REEP6: variants seen among roughly 807,000 people sequenced by gnomAD.
REEP6 encodes the protein receptor expression-enhancing protein 6.
In REEP6, 19 loss-of-function variants were observed where a neutral mutation model predicts 22.4. The observed-to-expected ratio is 0.85, with a 90% confidence interval of 0.59 to 1.25. The LOEUF is 1.25. Ranked by LOEUF, REEP6 falls within the 50% of genes most tolerant of loss-of-function variation. REEP6 has a pLI of 0.00. For missense variants in REEP6, 273 were observed against 251.9 expected, an observed-to-expected ratio of 1.08 and a Z score of -0.57; for synonymous variants, 121 against 113.6, an observed-to-expected ratio of 1.06 and a Z score of -0.41.
chr19:1,495,393 T>C lies in REEP6; in HGVS notation c.209+6T>C, dbSNP rs752541318. On this transcript the variant is annotated splice_donor_region_variant and intron_variant, in intron 2 of 4. Coordinates refer to ENST00000233596, the MANE Select transcript of REEP6 (RefSeq NM_138393.4). ...GTGTACCCCGCATATGCCTCGTGAG[T>C]GCACGGCTGGCTGCCCACGCGGGGG... 12 of 1,613,718 alleles carry C rather than the reference T, an allele frequency of 7.4e-6. No individual in the cohort carries two copies. The South Asian group carries it at 1.3e-4, about 18-fold the overall frequency.
At chr19:1,493,370 G>C (rs1255261149) in intron 1 of REEP6, among the ~76,000 whole-genome samples, 3 of 152,090 alleles carry the variant, frequency 2.0e-5, no homozygotes, top group Non-Finnish European at 4.4e-5. Context: ...CCTGGGACCA[G>C]CTGGGGGACT....
chr19:1,494,852 TC>T (rs1216895698), intron 1 of REEP6, among the ~76,000 whole-genome samples: 1 of 152,088 alleles, frequency 6.6e-6, no homozygotes, highest in African/African-American at 2.4e-5. Flanking sequence ...GCCTGGCTAA[TC>T]TTTTGTATTT....
Position 1,491,314 on chromosome 19 carries a change from G to C in REEP6, c.45G>C (p.Arg15Ser). The C allele has an allele frequency of 6.8e-7, 1 of 1,479,754 alleles. No individual in the cohort carries two copies. The highest frequency in any genetic ancestry group is 9.0e-7 in the Non-Finnish European group (1 of 1,116,404). The allele number at this position is 1,479,754 out of a possible 1,614,324, so 91.7% of individuals were successfully genotyped here. The change falls in exon 1 of 5, where the codon AGG (arginine) becomes AGC (serine). Residue 15 changes from arginine (R) to serine (S), a missense_variant. Physicochemically the swap from Arg to Ser is moderately radical, Grantham distance 110. Coordinates refer to ENST00000233596, the MANE Select transcript of REEP6 (RefSeq NM_138393.4). The surrounding 1 kb of genome is among the most constrained non-coding windows in gnomAD (Gnocchi z 5.4). ...RQRVEHFLEQ[R>S]NLVTEVLGAL... ...GCGTGGAGCACTTCCTGGAGCAAAG[G>C]AACCTGGTCACCGAAGTGCTGGGGG...
intron 1 of REEP6, among the ~76,000 whole-genome samples, chr19:1,494,525 C>CTTT (rs1348431446): frequency 7.2e-5 from 11 of 152,106 alleles, no homozygotes; most frequent in Non-Finnish European, 1.2e-4. Context: ...GCAGAGAAAC[C>CTTT]CTGCGCTAAG....
intron 1 of REEP6, among the ~76,000 whole-genome samples, chr19:1,493,530 C>G (rs919297194): frequency 8.5e-5 from 13 of 152,092 alleles, no homozygotes; most frequent in African/African-American, 3.1e-4. Context: ...GAAGGCTGTC[C>G]AAGCTCTCTG....
rs1487048958 is a variant in REEP6, at chr19:1,496,623, A to T, written c.517+170A>T. On this transcript the variant is annotated intron_variant, in intron 4 of 4. Transcript: ENST00000233596. ...GGTCCTGGCCCGTAGCCGGGCAGGC[A>T]TCACCCCGGTGGCTGTGGCCGGGCC... 2 of 901,216 alleles carry T rather than the reference A, an allele frequency of 2.2e-6. 1 individual carries two copies. The highest frequency in any genetic ancestry group is 5.2e-5 in the East Asian group (2 of 38,270). The allele number at this position is 901,216 out of a possible 1,614,324, so 55.8% of individuals were successfully genotyped here. A position where few individuals can be genotyped will look rare whatever the true frequency, so the allele number is the denominator to read the frequency against.
In REEP6 at chr19:1,496,182, G is replaced by A. The variant is rs112566345; in HGVS notation, c.349-103G>A. On this transcript the variant is annotated intron_variant, in intron 3 of 4. Transcript: ENST00000233596. ...AAGGGTGTCTGATGGTGGAGACCCA[G>A]TGCCTGTCCAGGATGGGCATCTGGT... 371 of 1,380,322 alleles carry A rather than the reference G, an allele frequency of 2.7e-4. 3 individuals are homozygous for A. In the African/African-American group the frequency reaches 4.5e-3, roughly 17 times the overall value. The allele number at this position is 1,380,322 out of a possible 1,614,324, so 85.5% of individuals were successfully genotyped here. A position where few individuals can be genotyped will look rare whatever the true frequency, so the allele number is the denominator to read the frequency against.
intron 1 of REEP6, among the ~76,000 whole-genome samples, chr19:1,492,846 G>A (rs34157870): frequency 0.025 from 3,827 of 152,334 alleles, 82 homozygotes; most frequent in Non-Finnish European, 0.04. Flanking sequence ...CCCATGTGCA[G>A]CGCAGCAGGT....
At chr19:1,493,958 C>T (rs535178003) in intron 1 of REEP6, among the ~76,000 whole-genome samples, 27 of 152,216 alleles carry the variant, frequency 1.8e-4, no homozygotes, top group Non-Finnish European at 3.7e-4. Context: ...CATGGTGGTA[C>T]GCTCAGCTAC....
At chr19:1,495,226 G>A (rs544758700) in intron 1 of REEP6, 68 bp from the exon 2 acceptor site, 15 of 1,499,998 alleles carry the variant, frequency 1.0e-5, no homozygotes, top group Admixed American at 3.3e-5. Flanking sequence ...ACTGAAAGGC[G>A]GCCTGGGTAC....
At chr19:1,495,104 G>A (rs2084994525) in intron 1 of REEP6, among the ~76,000 whole-genome samples, 190 bp from the exon 2 acceptor site, 1 of 152,196 alleles carries the variant, frequency 6.6e-6, no homozygotes, top group African/African-American at 2.4e-5. Context: ...CCAGTTACAG[G>A]CACAAGGCTC....
intron 1 of REEP6, among the ~76,000 whole-genome samples, chr19:1,492,687 A>G (rs1255296474): frequency 1.3e-5 from 2 of 152,132 alleles, no homozygotes; most frequent in Non-Finnish European, 1.5e-5. Context: ...GGTAGAGGAC[A>G]GTGCCACTTT....
At chr19:1,496,780 C>A in intron 4 of REEP6, 1 of 597,712 alleles carries the variant, frequency 1.7e-6, no homozygotes, top group East Asian at 3.0e-5. Context: ...ATTGTGTGTG[C>A]ATGTTTTGTC....
chr19:1,497,668 A>G lies in REEP6; in HGVS notation c.*457A>G, dbSNP rs1441798981. On this transcript the variant is annotated 3_prime_UTR_variant, in exon 5 of 5. Coordinates refer to ENST00000233596, the MANE Select transcript of REEP6 (RefSeq NM_138393.4). This position sits in a 1 kb window ranked among gnomAD's most constrained non-coding sequence, Gnocchi z 6.5. ...AACATCCCCACGCAGCCCCCCAGCA[A>G]GTCCTCTGGCAAGCCGGAGGACGCA... 2.1e-6 allele frequency: 1 copy of G among 478,594 alleles called. No homozygotes were observed. The highest frequency in any genetic ancestry group is 2.3e-5 in the Admixed American group (1 of 42,704). 29.6% of individuals were successfully genotyped at this position (478,594 alleles called of 1,614,324 possible).
intron 4 of REEP6, 113 bp downstream of exon 4, chr19:1,496,566 T>A: frequency 8.0e-7 from 1 of 1,255,242 alleles, no homozygotes; most frequent in Non-Finnish European, 1.1e-6. Context: ...TGTCCGCCTC[T>A]CTCTCTCACG....
intron 1 of REEP6, among the ~76,000 whole-genome samples, chr19:1,492,758 C>G (rs1430807748): frequency 6.6e-6 from 1 of 152,186 alleles, no homozygotes; most frequent in African/African-American, 2.4e-5. Flanking sequence ...TTCCCACCAT[C>G]TGGGGGTTCC....
Position 1,491,201 on chromosome 19 carries a change from G to T in REEP6, c.-69G>T. ...GGCTCAGGCTGCGGGAAAGCGGTGC[G>T]CGTGCAGCGGGGTGGGTGCCCTGGT... On this transcript the variant is annotated 5_prime_UTR_variant, in exon 1 of 5. Coordinates refer to ENST00000233596, the MANE Select transcript of REEP6 (RefSeq NM_138393.4). The surrounding 1 kb of genome is among the most constrained non-coding windows in gnomAD (Gnocchi z 5.4). 1 of 1,105,862 alleles carries T rather than the reference G, an allele frequency of 9.0e-7. No homozygotes were observed. Among genetic ancestry groups the T allele is most frequent in the Non-Finnish European group, 1.2e-6 (1 of 816,284 alleles). The allele number at this position is 1,105,862 out of a possible 1,614,324, so 68.5% of individuals were successfully genotyped here. A position where few individuals can be genotyped will look rare whatever the true frequency, so the allele number is the denominator to read the frequency against.
At chr19:1,492,891 G>C (rs1342386671) in intron 1 of REEP6, among the ~76,000 whole-genome samples, 1 of 152,184 alleles carries the variant, frequency 6.6e-6, no homozygotes, top group Non-Finnish European at 1.5e-5. Flanking sequence ...CTGCCCCCGG[G>C]AGCAGGTCCC....
chr19:1,497,370 T>C lies in REEP6; in HGVS notation c.*159T>C, dbSNP rs777792509. ...CCTGGGGGTCTCCTTAAATGCCACC[T>C]CGGGCAAGTCCCAGTCCCAGTCCTC... On this transcript the variant is annotated 3_prime_UTR_variant, in exon 5 of 5. Coordinates refer to ENST00000233596, the MANE Select transcript of REEP6 (RefSeq NM_138393.4). The surrounding 1 kb of genome is among the most constrained non-coding windows in gnomAD (Gnocchi z 6.5). 123 of 749,314 alleles carry C rather than the reference T, an allele frequency of 1.6e-4. No homozygotes were observed. Among genetic ancestry groups the C allele is most frequent in the Admixed American group, 3.6e-4 (18 of 49,996 alleles). The allele number at this position is 749,314 out of a possible 1,614,324, so 46.4% of individuals were successfully genotyped here.
Sources: gnomAD v4.1 joint callset for allele counts (sites outside exome capture counted in the v4.1 genomes callset) on GRCh38, gnomAD v4.1.1 for gene constraint, Gnocchi (gnomAD v3.1) non-coding constraint, MANE v1.5 for transcripts, NCBI Gene and HGNC (gene_info 2026-07-23, HGNC 2026-07-21) for gene names.